Variants in ELL2 observed in about 807,000 individuals in gnomAD.
The protein encoded by ELL2 is RNA polymerase II elongation factor ELL2.
A neutral mutation model predicts 72.8 loss-of-function variants in ELL2; 21 were observed. That is an observed-to-expected ratio of 0.29 (90% CI 0.20 to 0.42). The LOEUF (loss-of-function observed/expected upper bound fraction) is 0.42. ELL2 is among the 10% of genes least tolerant of loss of function. The pLI is 1.00. For missense variants in ELL2, 568 were observed against 772.8 expected (o/e 0.73, Z 3.14); for synonymous variants, 266 against 283.2 (o/e 0.94, Z 0.61).
chr5:95,950,167 G>C (rs534646623), intron 1 of ELL2, among the ~76,000 whole-genome samples: 44 of 152,280 alleles, frequency 2.9e-4, no homozygotes, highest in Middle Eastern at 3.4e-3. Flanking sequence ...GTTTTTACTT[G>C]CACTAGTAAA....
rs182539064 is a variant in ELL2 at position 95,897,468 on chromosome 5, T to C, written c.1525+772A>G. Among the ~76,000 whole-genome samples the C allele has an allele frequency of 2.0e-3, 307 of 152,364 alleles. 1 individual carries two copies. Among genetic ancestry groups the C allele is most frequent in the African/African-American group, 6.9e-3 (288 of 41,594 alleles). ...AATAAGAAAAATCTAATTTTGTCAG[T>C]TTTTAACACTCAGGACATCTTAGGC... On this transcript the variant is annotated intron_variant, in intron 8 of 11. Transcript: ENST00000237853.
chr5:95,895,826 T>C (rs548937489), intron 8 of ELL2, 135 bp from the exon 9 acceptor site: 2 of 741,962 alleles, frequency 2.7e-6, no homozygotes, highest in African/African-American at 3.5e-5. Flanking sequence ...TAAGCAACAG[T>C]GAGCAAGGAA....
intron 2 of ELL2, among the ~76,000 whole-genome samples, chr5:95,932,183 TA>T (rs1212430626): frequency 6.6e-6 from 1 of 152,106 alleles, no homozygotes; most frequent in Admixed American, 6.5e-5. Flanking sequence ...ATAAAGAAAA[TA>T]AAACTATTTC....
At position 95,935,994 on chromosome 5, in the gene ELL2, G is replaced by A. The variant is rs988815697; in HGVS notation, c.195+7008C>T. ...TGTTTGGTAAGCTATAATAGATTGT[G>A]ACCCATTGGAAGGTCATGGCATTAA... On this transcript the variant is annotated intron_variant, in intron 2 of 11. Transcript: ENST00000237853. 2.0e-5 allele frequency among the ~76,000 whole-genome samples: 3 copies of A among 152,182 alleles called. No homozygotes were observed. The South Asian group carries it at 6.2e-4, about 31-fold the overall frequency.
At chr5:95,925,536 T>C (rs1259899907) in intron 2 of ELL2, among the ~76,000 whole-genome samples, 2 of 152,214 alleles carry the variant, frequency 1.3e-5, no homozygotes, top group Admixed American at 6.5e-5. Context: ...CTGAATATAT[T>C]GTCAGCACCT....
intron 10 of ELL2, among the ~76,000 whole-genome samples, chr5:95,890,343 T>C (rs1207772144): frequency 1.3e-5 from 2 of 152,138 alleles, no homozygotes; most frequent in African/African-American, 2.4e-5. Context: ...AACTCATCCA[T>C]TGTCTCACGT....
intron 2 of ELL2, among the ~76,000 whole-genome samples, chr5:95,941,900 C>A (rs2069304042): frequency 6.6e-6 from 1 of 152,198 alleles, no homozygotes; most frequent in East Asian, 1.9e-4. Flanking sequence ...AGCTATACAA[C>A]AAAATTCAGA....
chr5:95,898,323 T>A lies in ELL2; in HGVS notation c.1442A>T (p.Glu481Val). ...EKDQIKKHDIETIEEKEEDLK... is the reference protein window; with the variant it reads ...EKDQIKKHDIVTIEEKEEDLK... ...ATCTTCCTCCTTTTCCTCAATAGTC[T>A]CAATGTCGTGCTTTTTTATTTGGTC... The change falls in exon 8 of 12, where the codon GAG becomes GTG. Residue 481 changes from glutamate to valine, a missense_variant. Transcript: ENST00000237853. 1 of 1,613,684 alleles carries A rather than the reference T, an allele frequency of 6.2e-7. No homozygotes were observed.
chr5:95,925,367 T>C (rs1250266247), intron 2 of ELL2, among the ~76,000 whole-genome samples: 1 of 152,178 alleles, frequency 6.6e-6, no homozygotes, highest in African/African-American at 2.4e-5. Flanking sequence ...GTTAGAGTCA[T>C]ACTTAGATTG....
At position 95,927,548 on chromosome 5, in the gene ELL2, T is replaced by C. The variant is rs544909649; in HGVS notation, c.196-8003A>G. Reference sequence around the variant, plus strand: ...ATACACACACGTGTGTATATAGACATACACACACACGTGTGTATATAGACA... The same window carrying C: ...ATACACACACGTGTGTATATAGACACACACACACACGTGTGTATATAGACA... On this transcript the variant is annotated intron_variant, in intron 2 of 11. Transcript: ENST00000237853. Among the ~76,000 whole-genome samples the C allele has an allele frequency of 9.2e-4, 18 of 19,486 alleles. 3 individuals carry two copies. The highest frequency in any genetic ancestry group is 5.5e-3 in the African/African-American group (9 of 1,624). The allele number at this position is 19,486 out of a possible 152,430, so 12.8% of individuals were successfully genotyped here. A position where few individuals can be genotyped will look rare whatever the true frequency, so the allele number is the denominator to read the frequency against.
chr5:95,931,361 T>C (rs1750593149), intron 2 of ELL2, among the ~76,000 whole-genome samples: 1 of 152,144 alleles, frequency 6.6e-6, no homozygotes, highest in Non-Finnish European at 1.5e-5. Flanking sequence ...ATGTTTGCTT[T>C]GATAATACAA....
At chr5:95,958,135 G>A (rs1751686082) in intron 1 of ELL2, among the ~76,000 whole-genome samples, 1 of 152,210 alleles carries the variant, frequency 6.6e-6, no homozygotes, top group Non-Finnish European at 1.5e-5. Context: ...TATGAGTACA[G>A]GAATGGTGGC....
chr5:95,956,322 A>G (rs1176028712), intron 1 of ELL2, among the ~76,000 whole-genome samples: 1 of 152,230 alleles, frequency 6.6e-6, no homozygotes, highest in Non-Finnish European at 1.5e-5. Flanking sequence ...GATGGGGCAC[A>G]AACTTGACTT....
chr5:95,916,417 C>A (rs1241194020), intron 3 of ELL2, among the ~76,000 whole-genome samples: 1 of 152,052 alleles, frequency 6.6e-6, no homozygotes, highest in Non-Finnish European at 1.5e-5. Flanking sequence ...GAAAAGAAGA[C>A]CACATGAGAC....
At chr5:95,922,051 T>C (rs888105539) in intron 2 of ELL2, among the ~76,000 whole-genome samples, 4 of 150,930 alleles carry the variant, frequency 2.7e-5, no homozygotes, top group Non-Finnish European at 5.9e-5. Context: ...GACCATCCCA[T>C]CTGGTAGACT....
chr5:95,927,426 C>G (rs554185161), intron 2 of ELL2, among the ~76,000 whole-genome samples: 2 of 44,262 alleles, frequency 4.5e-5, no homozygotes, highest in Non-Finnish European at 7.4e-5. Context: ...TATAGACATA[C>G]ACACACACGT....
chr5:95,916,084 C>T (rs1749782838), intron 3 of ELL2, among the ~76,000 whole-genome samples: 1 of 151,604 alleles, frequency 6.6e-6, no homozygotes, highest in Non-Finnish European at 1.5e-5. Flanking sequence ...ATGGCATGAA[C>T]CAGAGTAGGG....
chr5:95,943,342 A>T (rs923023149), intron 1 of ELL2, among the ~76,000 whole-genome samples: 2 of 152,120 alleles, frequency 1.3e-5, no homozygotes, highest in Admixed American at 1.3e-4. Flanking sequence ...TTTTCATTAT[A>T]TACTTTCTTT....
At chr5:95,913,535 G>C in intron 4 of ELL2, 2 of 374,192 alleles carry the variant, frequency 5.3e-6, no homozygotes, top group Admixed American at 9.3e-5. Flanking sequence ...TAAAATAATA[G>C]TAAGTAGCCA....
Sources: gnomAD v4.1 joint callset for allele counts (sites outside exome capture counted in the v4.1 genomes callset) on GRCh38, gnomAD v4.1.1 for gene constraint, MANE v1.5 for transcripts, NCBI Gene and HGNC (gene_info 2026-07-23, HGNC 2026-07-21) for gene names.